Variants in NXN observed in about 807,000 individuals in gnomAD.
NXN encodes nucleoredoxin 1.
Under a neutral mutation model 48.6 loss-of-function variants are expected in NXN, and 16 were observed. The observed-to-expected ratio is 0.33, with a 90% CI of 0.22 to 0.50. The LOEUF is 0.50. Ranked by LOEUF, NXN falls within the 20% of genes least tolerant of loss-of-function variation. The probability of loss-of-function intolerance (pLI) is 0.98; values close to 1 mark genes in which losing one functional copy is unlikely to be tolerated. For missense variants in NXN, 492 were observed against 605.5 expected (o/e 0.81, Z 1.97); for synonymous variants, 281 against 269.6 (o/e 1.04, Z -0.41).
rs569348776 is a variant in NXN at position 904,828 on chromosome 17, G to A, written c.360+74491C>T. Among the ~76,000 whole-genome samples the A allele has an allele frequency of 1.4e-3, 207 of 152,308 alleles. 5 individuals are homozygous for A. In the South Asian group the frequency reaches 0.042, roughly 31 times the overall value. ...CAAAGTGCTGGGATGACAGGCGTGA[G>A]CCACCATGCCCGGCCCTTGGCAGTA... On this transcript the variant is annotated intron_variant, in intron 1 of 7. Transcript: ENST00000336868.
chr17:812,861 G>A (rs997636432), intron 5 of NXN, among the ~76,000 whole-genome samples: 22 of 148,698 alleles, frequency 1.5e-4, no homozygotes, highest in Admixed American at 2.7e-4. Context: ...CATGTGTGTA[G>A]GTGTGTGTGG....
chr17:918,864 A>G (rs1007299671), intron 1 of NXN, among the ~76,000 whole-genome samples: 15 of 151,620 alleles, frequency 9.9e-5, no homozygotes, highest in African/African-American at 3.2e-4. Flanking sequence ...TCAGAAAACA[A>G]AGTAAGTTAA....
At chr17:969,491 C>T (rs2069346557) in intron 1 of NXN, among the ~76,000 whole-genome samples, 2 of 152,318 alleles carry the variant, frequency 1.3e-5, no homozygotes, top group Non-Finnish European at 2.9e-5. Flanking sequence ...ATGCCCAGAG[C>T]TGGAAAACGC....
At chr17:865,721 C>T (rs1005663042) in intron 1 of NXN, among the ~76,000 whole-genome samples, 12 of 151,698 alleles carry the variant, frequency 7.9e-5, no homozygotes, top group Non-Finnish European at 1.5e-4. Flanking sequence ...CAGTGGCTCA[C>T]GCCTGTAATC....
intron 1 of NXN, among the ~76,000 whole-genome samples, chr17:895,766 C>T (rs949840501): frequency 3.5e-5 from 4 of 114,834 alleles, no homozygotes; most frequent in East Asian, 2.9e-4. Flanking sequence ...TGCAGTGAGC[C>T]GAGATCGCAC....
At position 825,123 on chromosome 17, in the gene NXN, C is replaced by T. The variant is rs1031854653; in HGVS notation, c.478+838G>A. On this transcript the variant is annotated intron_variant, in intron 2 of 7. Transcript: ENST00000336868. The surrounding 1 kb of genome is among the most constrained non-coding windows in gnomAD (Gnocchi z 4.1). ...GTGCACGCCAGTAGTCCCAGCTACA[C>T]GGGAGGATGAGTTGAGCTCAGGAGG... Among the ~76,000 whole-genome samples the T allele has an allele frequency of 2.6e-5, 4 of 151,134 alleles. No homozygotes were observed. The highest frequency in any genetic ancestry group is 2.9e-5 in the Non-Finnish European group (2 of 67,908).
chr17:952,693 G>A (rs1307587320), intron 1 of NXN, among the ~76,000 whole-genome samples: 1 of 43,616 alleles, frequency 2.3e-5, no homozygotes, highest in African/African-American at 9.4e-5. Context: ...CTGTGGGGGG[G>A]CTGGAGTCAG....
At chr17:814,868 T>G (rs371081133) in intron 5 of NXN, among the ~76,000 whole-genome samples, 1 of 152,022 alleles carries the variant, frequency 6.6e-6, no homozygotes, top group Non-Finnish European at 1.5e-5. Context: ...CAGGTTCAAG[T>G]GATTCTCCTG....
At chr17:975,961 C>T (rs575556268) in intron 1 of NXN, among the ~76,000 whole-genome samples, 1 of 152,306 alleles carries the variant, frequency 6.6e-6, no homozygotes, top group African/African-American at 2.4e-5. Flanking sequence ...ACTGCCTTAA[C>T]TTCAGGATTA....
chr17:842,951 G>GGAAA (rs1194644564), intron 1 of NXN, among the ~76,000 whole-genome samples: 2 of 127,682 alleles, frequency 1.6e-5, no homozygotes, highest in African/African-American at 5.8e-5. Context: ...AAAAAAGAAA[G>GGAAA]GAAAGAAAGA....
chr17:844,709 T>C (rs970435811), intron 1 of NXN, among the ~76,000 whole-genome samples: 3 of 151,924 alleles, frequency 2.0e-5, no homozygotes, highest in African/African-American at 7.3e-5. Context: ...CTCAGCCTCC[T>C]GAGGAGCTGG....
At chr17:861,678 G>A (rs2068042001) in intron 1 of NXN, among the ~76,000 whole-genome samples, 1 of 151,964 alleles carries the variant, frequency 6.6e-6, no homozygotes, top group Non-Finnish European at 1.5e-5. Flanking sequence ...AAAGACTCAA[G>A]AGCCATCTTG....
intron 1 of NXN, among the ~76,000 whole-genome samples, chr17:886,724 G>A (rs2068352226): frequency 6.6e-6 from 1 of 151,266 alleles, no homozygotes; most frequent in Non-Finnish European, 1.5e-5. Flanking sequence ...CTTGCAGTGA[G>A]CTGAGATCGT....
chr17:937,722 C>G (rs1431647748), intron 1 of NXN, among the ~76,000 whole-genome samples: 1 of 152,220 alleles, frequency 6.6e-6, no homozygotes, highest in East Asian at 1.9e-4. Flanking sequence ...AGCTGGCAGC[C>G]CACAACAGGT....
rs138722155 is a variant in NXN, at chr17:920,847, C to T, written c.360+58472G>A. On this transcript the variant is annotated intron_variant, in intron 1 of 7. Coordinates refer to ENST00000336868, the MANE Select transcript of NXN (RefSeq NM_022463.5). This position sits in a 1 kb window ranked among gnomAD's most constrained non-coding sequence, Gnocchi z 4.6. The stretch of plus-strand genomic sequence containing the variant: ...AAGCGATTCTCTTGCCTCAACCTCC[C>T]GAGTAGTTGGGATTACAGGCGCCCG... Among the ~76,000 whole-genome samples the T allele has an allele frequency of 1.3e-5, 2 of 152,038 alleles. No homozygotes were observed. The highest frequency in any genetic ancestry group is 1.9e-4 in the East Asian group (1 of 5,162).
intron 1 of NXN, among the ~76,000 whole-genome samples, chr17:957,241 A>G (rs2069181035): frequency 6.6e-6 from 1 of 150,862 alleles, no homozygotes; most frequent in Non-Finnish European, 1.5e-5. Context: ...CCCCAACACT[A>G]CGCCGTGTGG....
chr17:827,255 G>A (rs1180818270), intron 1 of NXN, among the ~76,000 whole-genome samples: 4 of 151,792 alleles, frequency 2.6e-5, no homozygotes, highest in Admixed American at 6.6e-5. Context: ...GAGGTGGGTG[G>A]ATCATGAGGT....
chr17:831,336 A>ATG (rs1913456621), intron 1 of NXN, among the ~76,000 whole-genome samples: 1 of 152,048 alleles, frequency 6.6e-6, no homozygotes, highest in Non-Finnish European at 1.5e-5. Flanking sequence ...ATACAAGAGG[A>ATG]TGTATATAGG....
At chr17:914,679 T>C (rs1490499001) in intron 1 of NXN, among the ~76,000 whole-genome samples, 1 of 152,208 alleles carries the variant, frequency 6.6e-6, no homozygotes, top group African/African-American at 2.4e-5. Flanking sequence ...GACTCGCTTC[T>C]GACCTTCAAA....
Sources: gnomAD v4.1 joint callset for allele counts (sites outside exome capture counted in the v4.1 genomes callset) on GRCh38, gnomAD v4.1.1 for gene constraint, Gnocchi (gnomAD v3.1) non-coding constraint, MANE v1.5 for transcripts, NCBI Gene and HGNC (gene_info 2026-07-23, HGNC 2026-07-21) for gene names.